The following CUTC variants were observed in gnomAD, a reference collection of about 807,000 sequenced individuals.
CUTC encodes the protein copper homeostasis protein cutC homolog.
Under a neutral mutation model 36.2 loss-of-function variants are expected in CUTC, and 27 were observed. The observed-to-expected ratio is 0.75, with a 90% CI of 0.55 to 1.03. The LOEUF (loss-of-function observed/expected upper bound fraction) is 1.03, where lower values mean the gene tolerates loss of function less well. Ranked by LOEUF, CUTC falls within the 50% of genes least tolerant of loss-of-function variation. The pLI, the probability that CUTC is intolerant of heterozygous loss-of-function variation, is 0.00. For missense variants in CUTC, 315 were observed against 343.5 expected (o/e 0.92, Z 0.66); for synonymous variants, 114 against 118.3 (o/e 0.96, Z 0.24).
At chr10:99,752,480 A>G (rs890748902) in intron 7 of CUTC, among the ~76,000 whole-genome samples, 4 of 152,172 alleles carry the variant, frequency 2.6e-5, no homozygotes, top group African/African-American at 9.7e-5. Flanking sequence ...GAGAAAGTAT[A>G]TATTATCTGT....
At chr10:99,749,089 A>ATG (rs1472840004) in intron 6 of CUTC, among the ~76,000 whole-genome samples, 2 of 152,106 alleles carry the variant, frequency 1.3e-5, no homozygotes, top group Non-Finnish European at 2.9e-5. Flanking sequence ...CAAAATGTGT[A>ATG]TGTGTGTGTG....
chr10:99,736,207 GA>G (rs770887074), intron 1 of CUTC, 38 bp from the exon 2 acceptor site: 45 of 1,570,408 alleles, frequency 2.9e-5, no homozygotes, highest in Admixed American at 3.3e-5. Flanking sequence ...TGGATGGATA[GA>G]ACCTTTATGA....
At chr10:99,737,902 A>C (rs1590117615) in intron 2 of CUTC, among the ~76,000 whole-genome samples, 2 of 152,250 alleles carry the variant, frequency 1.3e-5, no homozygotes, top group Non-Finnish European at 2.9e-5. Flanking sequence ...TAATCCCAGC[A>C]CTTTGGGAGG....
chr10:99,736,379 C>T, intron 2 of CUTC, 62 bp downstream of exon 2: 1 of 1,255,114 alleles, frequency 8.0e-7, no homozygotes, highest in East Asian at 2.3e-5. Context: ...AAAATTAATC[C>T]TGTGTGCTTA....
chr10:99,749,529 C>G (rs894023788), intron 6 of CUTC, among the ~76,000 whole-genome samples: 1 of 151,656 alleles, frequency 6.6e-6, no homozygotes, highest in African/African-American at 2.4e-5. Flanking sequence ...GAATTCATTT[C>G]TTTAAAAATA....
At position 99,755,576 on chromosome 10, in the gene CUTC, G is replaced by T. The variant is rs1302042628; in HGVS notation, c.708-49G>T. ...CTATAAAATGAAGCGGCAGTAGGAG[G>T]GCCCATTTAATAACATAATTATCTG... On this transcript the variant is annotated intron_variant, in intron 8 of 8. Transcript: ENST00000370476. 8 of 1,211,500 alleles carry T rather than the reference G, an allele frequency of 6.6e-6. No homozygotes were observed. In the South Asian group the frequency reaches 9.9e-5, roughly 15 times the overall value. The allele number at this position is 1,211,500 out of a possible 1,614,324, so 75.0% of individuals were successfully genotyped here.
intron 3 of CUTC, among the ~76,000 whole-genome samples, chr10:99,742,005 T>A (rs1433227117): frequency 6.6e-6 from 1 of 152,236 alleles, no homozygotes; most frequent in East Asian, 1.9e-4. Flanking sequence ...CTAAGCTTTG[T>A]CTCCTTAACT....
intron 8 of CUTC, 33 bp downstream of exon 8, chr10:99,754,667 G>T (rs1429622095): frequency 6.8e-7 from 1 of 1,478,012 alleles, no homozygotes; most frequent in Non-Finnish European, 9.4e-7. Context: ...AAATAAGAAG[G>T]ATGAGATTAA....
At position 99,736,253 on chromosome 10, in the gene CUTC, A is replaced by G; in HGVS notation, c.69A>G (p.Ala23=). 2 of 1,613,742 alleles carry G rather than the reference A, an allele frequency of 1.2e-6. No individual in the cohort carries two copies. Among genetic ancestry groups the G allele is most frequent in the South Asian group, 2.2e-5 (2 of 91,076 alleles). ...ATTCTCCATGTATTTTAGGAGCAGC[A>G]AATGGATTTCTCATGGAAGTTTGTG... ...ARIPSGKAGA[A]NGFLMEVCVD... The change falls in exon 2 of 9, where the codon GCA becomes GCG. Residue 23 remains alanine, a synonymous_variant. Coordinates refer to ENST00000370476, the MANE Select transcript of CUTC (RefSeq NM_015960.3).
At chr10:99,741,301 G>C (rs547550006) in intron 3 of CUTC, among the ~76,000 whole-genome samples, 2 of 152,250 alleles carry the variant, frequency 1.3e-5, no homozygotes, top group East Asian at 3.9e-4. Flanking sequence ...CTGTGACCAT[G>C]AATTTTGAAA....
chr10:99,752,466 C>G (rs1172164213), intron 7 of CUTC, among the ~76,000 whole-genome samples: 1 of 151,782 alleles, frequency 6.6e-6, no homozygotes, highest in Non-Finnish European at 1.5e-5. Flanking sequence ...GAAACATAAG[C>G]AGAGAGAAAG....
rs1328339579 is a variant in CUTC, at chr10:99,743,792, T to C, written c.404-245T>C. 2.0e-5 allele frequency among the ~76,000 whole-genome samples: 3 copies of C among 152,220 alleles called. No homozygotes were observed. In the South Asian group the frequency reaches 6.2e-4, roughly 31 times the overall value. Reference sequence around the variant, plus strand: ...AGTATTAGATGTAATGCTGCCCTTATAGTTGTCAGATTAAATGGTTTTCAT... The same window carrying C: ...AGTATTAGATGTAATGCTGCCCTTACAGTTGTCAGATTAAATGGTTTTCAT... On this transcript the variant is annotated intron_variant, in intron 4 of 8. Coordinates refer to ENST00000370476, the MANE Select transcript of CUTC (RefSeq NM_015960.3).
intron 1 of CUTC, chr10:99,732,658 G>T: frequency 7.2e-7 from 1 of 1,385,854 alleles, no homozygotes; most frequent in East Asian, 2.8e-5. Flanking sequence ...ACGGCCCTGC[G>T]ACCTTGTGCA....
In CUTC at chr10:99,743,210, C is replaced by T; in HGVS notation, c.251C>T (p.Pro84Leu). ...ATCCCAGTTTTTGTGATGATTCGGCCACGGGGAGGTGATTTTTTGTATTCA... is the reference window on the plus strand; with the variant it reads ...ATCCCAGTTTTTGTGATGATTCGGCTACGGGGAGGTGATTTTTTGTATTCA... ...VQIPVFVMIR[P>L]RGGDFLYSDR... Residue 84 changes from proline (P) to leucine (L), a missense_variant, in exon 4 of 9, where the codon CCA becomes CTA. By Grantham distance (98) the Pro-to-Leu change is moderately conservative. Coordinates refer to ENST00000370476, the MANE Select transcript of CUTC (RefSeq NM_015960.3). 6.2e-7 allele frequency: 1 copy of T among 1,613,996 alleles called. No individual in the cohort carries two copies. Among genetic ancestry groups the T allele is most frequent in the Non-Finnish European group, 8.5e-7 (1 of 1,179,998 alleles).
intron 2 of CUTC, among the ~76,000 whole-genome samples, chr10:99,737,734 C>T (rs1442011778): frequency 6.6e-6 from 1 of 152,208 alleles, no homozygotes; most frequent in Non-Finnish European, 1.5e-5. Context: ...CCATAGCCCA[C>T]ATGCCATGGT....
intron 2 of CUTC, among the ~76,000 whole-genome samples, chr10:99,738,160 T>C (rs1000247549): frequency 1.3e-5 from 2 of 150,592 alleles, no homozygotes; most frequent in Non-Finnish European, 1.5e-5. Context: ...AAAAAAAAAA[T>C]AAGGACTCTT....
chr10:99,736,969 T>G (rs61870401), intron 2 of CUTC, among the ~76,000 whole-genome samples: 146,686 of 152,104 alleles, frequency 0.96, 70,950 homozygotes, highest in East Asian at 1. Context: ...TTTTTAAATC[T>G]TTTGAAAATG....
rs1254662598 is a variant in CUTC, at chr10:99,756,129, A to G, written c.*390A>G. On this transcript the variant is annotated 3_prime_UTR_variant, in exon 9 of 9. Transcript: ENST00000370476. ...CATTTGTAAAATAAAAATTTCCACTATTACAGTATAGTCTCTTATTCTTGC... is the reference window on the plus strand; with the variant it reads ...CATTTGTAAAATAAAAATTTCCACTGTTACAGTATAGTCTCTTATTCTTGC... The G allele has an allele frequency of 6.1e-6, 1 of 165,276 alleles. No homozygotes were observed. The highest frequency in any genetic ancestry group is 1.7e-4 in the East Asian group (1 of 5,748). 10.2% of individuals were successfully genotyped at this position (165,276 alleles called of 1,614,324 possible).
chr10:99,742,217 T>C lies in CUTC; in HGVS notation c.194-936T>C, dbSNP rs60407054. ...TATTTTGTCTGTTTTTTTATTATTA[T>C]TATTATTATAGGTGGGAGGGTAAAT... On this transcript the variant is annotated intron_variant, in intron 3 of 8. Transcript: ENST00000370476. Among the ~76,000 whole-genome samples, 300 of 152,250 alleles carry C rather than the reference T, an allele frequency of 2.0e-3. 2 individuals are homozygous for C. The highest frequency in any genetic ancestry group is 7.0e-3 in the African/African-American group (292 of 41,546).
Sources: allele counts gnomAD v4.1 joint callset (sites outside exome capture counted in the v4.1 genomes callset), GRCh38; gene constraint gnomAD v4.1.1; transcripts MANE v1.5; gene names NCBI Gene and HGNC (gene_info 2026-07-23, HGNC 2026-07-21).